Variants in PARVG observed in about 807,000 individuals in gnomAD.
PARVG encodes gamma-parvin.
A neutral mutation model predicts 44.4 loss-of-function variants in PARVG; 36 were observed. That is an observed-to-expected ratio of 0.81 (90% CI 0.62 to 1.07). The LOEUF (loss-of-function observed/expected upper bound fraction) is 1.07, where lower values mean the gene tolerates loss of function less well. PARVG is among the 50% of genes least tolerant of loss of function. PARVG has a pLI of 0.00. For synonymous variants in PARVG, 170 were observed against 174.1 expected (o/e 0.98, Z 0.19); for missense variants, 407 against 407.4 (o/e 1.00, Z 0.01).
intron 8 of PARVG, among the ~76,000 whole-genome samples, chr22:44,192,551 C>T (rs2054562944): frequency 6.6e-6 from 1 of 151,990 alleles, no homozygotes; most frequent in African/African-American, 2.4e-5. Flanking sequence ...ACTCCCCACC[C>T]ACTGGGGGGT....
In PARVG at chr22:44,189,141, C is replaced by T. The variant is rs749922221; in HGVS notation, c.275C>T (p.Ala92Val). 2 of 1,614,086 alleles carry T rather than the reference C, an allele frequency of 1.2e-6. No individual in the cohort carries two copies. Among genetic ancestry groups the T allele is most frequent in the Non-Finnish European group, 1.7e-6 (2 of 1,180,034 alleles). The change falls in exon 6 of 14, where the codon GCA becomes GTA. Residue 92 changes from alanine (A) to valine (V), a missense_variant. Coordinates refer to ENST00000444313, the MANE Select transcript of PARVG (RefSeq NM_022141.7). ...FQRLAALKLEAEDIALTATSQ... is the reference protein window; with the variant it reads ...FQRLAALKLEVEDIALTATSQ... The stretch of plus-strand genomic sequence containing the variant: ...AGGCTGGCGGCGCTCAAGCTGGAAG[C>T]AGAGGACATCGCCCTGACAGCCACA...
chr22:44,186,059 C>T (rs1038780246), intron 4 of PARVG, 187 bp downstream of exon 4: 9 of 459,592 alleles, frequency 2.0e-5, no homozygotes, highest in Admixed American at 1.7e-4. Context: ...CATGAACAAA[C>T]ATCTATTGAG....
At chr22:44,201,333 G>A (rs529047818) in intron 12 of PARVG, among the ~76,000 whole-genome samples, 1 of 152,270 alleles carries the variant, frequency 6.6e-6, no homozygotes, top group African/African-American at 2.4e-5. Context: ...ATTTTACAGA[G>A]GGGAGCCCAG....
Position 44,183,419 on chromosome 22 carries a change from A to G in PARVG, c.79+11A>G, listed in dbSNP as rs778581671. 3 of 1,588,358 alleles carry G rather than the reference A, an allele frequency of 1.9e-6. No individual in the cohort carries two copies. The highest frequency in any genetic ancestry group is 1.2e-5 in the South Asian group (1 of 86,688). On this transcript the variant is annotated intron_variant, in intron 3 of 13. Coordinates refer to ENST00000444313, the MANE Select transcript of PARVG (RefSeq NM_022141.7). ...AGGAGCTCTCAAAAGGTGTGTGCCC[A>G]CGCAGGTCTGAGGGTGGAGGGTGAA...
chr22:44,196,101 T>A, intron 9 of PARVG, 54 bp from the exon 10 acceptor site: 1 of 1,604,968 alleles, frequency 6.2e-7, no homozygotes, highest in South Asian at 1.1e-5. Context: ...ATTCCCTGTT[T>A]GGCACAAAGA....
chr22:44,203,777 C>T (rs2054742404), intron 12 of PARVG, among the ~76,000 whole-genome samples: 1 of 152,234 alleles, frequency 6.6e-6, no homozygotes, highest in African/African-American at 2.4e-5. Context: ...CCACTCGGAG[C>T]TTCCCATCCA....
At chr22:44,196,845 C>T (rs1329073185) in intron 11 of PARVG, among the ~76,000 whole-genome samples, 1 of 152,174 alleles carries the variant, frequency 6.6e-6, no homozygotes, top group African/African-American at 2.4e-5. Context: ...CTCTCACAAG[C>T]ACCCTGAGGA....
intron 4 of PARVG, chr22:44,186,383 C>G (rs563150345): frequency 2.8e-6 from 1 of 361,830 alleles, no homozygotes; most frequent in East Asian, 7.4e-5. Context: ...TGGACCAGCT[C>G]GGCACAGGTG....
intron 11 of PARVG, among the ~76,000 whole-genome samples, chr22:44,198,263 G>A (rs1007427408): frequency 6.6e-6 from 1 of 152,178 alleles, no homozygotes; most frequent in Non-Finnish European, 1.5e-5. Context: ...CCAGCGAGAT[G>A]AGCCTGGTGT....
chr22:44,193,685 G>A, intron 8 of PARVG, 116 bp from the exon 9 acceptor site: 1 of 1,334,796 alleles, frequency 7.5e-7, no homozygotes, highest in African/African-American at 1.5e-5. Context: ...AAAACCACAA[G>A]CATGCCAGTT....
chr22:44,192,568 A>AT (rs1390299750), intron 8 of PARVG, among the ~76,000 whole-genome samples: 2 of 150,848 alleles, frequency 1.3e-5, no homozygotes, highest in Non-Finnish European at 3.0e-5. Flanking sequence ...GGGTGTGGCC[A>AT]TCCTGCTCCC....
At chr22:44,180,707 T>C (rs2054362928), upstream of PARVG, among the ~76,000 whole-genome samples, 1 of 152,228 alleles carries the variant, frequency 6.6e-6, no homozygotes, top group Non-Finnish European at 1.5e-5. Context: ...TCATCACCAA[T>C]GACTCCATAA....
chr22:44,189,539 G>A (rs1268209864), intron 6 of PARVG, among the ~76,000 whole-genome samples: 1 of 152,200 alleles, frequency 6.6e-6, no homozygotes, highest in East Asian at 1.9e-4. Context: ...AGCCACTGTT[G>A]AGTTCCAAGT....
chr22:44,193,826 G>A lies in PARVG; in HGVS notation c.583+3G>A. ...CACAGACAAGGACGAGCCTCCAAGT[G>A]AGTACTTTCATCATTTTTGGAAATC... On this transcript the variant is annotated splice_donor_region_variant and intron_variant, in intron 9 of 13. Coordinates refer to ENST00000444313, the MANE Select transcript of PARVG (RefSeq NM_022141.7). 6.2e-7 allele frequency: 1 copy of A among 1,614,104 alleles called. No individual in the cohort carries two copies. The highest frequency in any genetic ancestry group is 1.1e-5 in the South Asian group (1 of 91,072).
At chr22:44,176,864 C>A (rs1046437877), upstream of PARVG, among the ~76,000 whole-genome samples, 3 of 152,114 alleles carry the variant, frequency 2.0e-5, no homozygotes, top group Non-Finnish European at 4.4e-5. Context: ...GAAGGAGGAG[C>A]AAAGGCATAT....
chr22:44,189,175 G>T lies in PARVG; in HGVS notation c.309G>T (p.Lys103Asn). ...TCGCCCTGACAGCCACAAGCCAGAA[G>T]CACAAGCTCACAGTGGTGCTGGAGG... ...EDIALTATSQ[K>N]HKLTVVLEAV... is the part of the protein sequence containing the mutation. Residue 103 changes from lysine (K) to asparagine (N), a missense_variant, in exon 6 of 14, where the codon AAG becomes AAT. Transcript: ENST00000444313. 6.2e-7 allele frequency: 1 copy of T among 1,614,246 alleles called. No homozygotes were observed. Among genetic ancestry groups the T allele is most frequent in the Non-Finnish European group, 8.5e-7 (1 of 1,180,036 alleles).
intron 8 of PARVG, 87 bp downstream of exon 8, chr22:44,192,191 A>T: frequency 6.8e-7 from 1 of 1,471,630 alleles, no homozygotes; most frequent in Non-Finnish European, 9.3e-7. Flanking sequence ...GATCTGCCTG[A>T]CCTTTGTGGG....
chr22:44,173,114 G>A (rs981031243), exon 1 of PARVG: 1 of 1,289,548 alleles, frequency 7.8e-7, no homozygotes, highest in South Asian at 1.2e-5. Context: ...ACAGCCCTTT[G>A]TGGGGGATGG....
chr22:44,186,216 C>T (rs991698325), intron 4 of PARVG: 12 of 308,060 alleles, frequency 3.9e-5, no homozygotes, highest in Non-Finnish European at 5.2e-5. Context: ...CTGCCCGTAA[C>T]GGAGCTGTGG....
Sources: allele counts gnomAD v4.1 joint callset (sites outside exome capture counted in the v4.1 genomes callset), GRCh38; gene constraint gnomAD v4.1.1; transcripts MANE v1.5; gene names NCBI Gene and HGNC (gene_info 2026-07-23, HGNC 2026-07-21).